WRN: variants seen among roughly 807,000 people sequenced by gnomAD.
WRN encodes bifunctional 3'-5' exonuclease/ATP-dependent helicase WRN.
Under a neutral mutation model 180.7 loss-of-function variants are expected in WRN, and 149 were observed. The observed-to-expected ratio is 0.82, with a 90% CI of 0.72 to 0.94. WRN has a LOEUF of 0.94. Among genes scored for constraint, WRN ranks in the 40% least tolerant of loss-of-function variants. WRN has a pLI of 0.00. For missense variants in WRN, 1,661 were observed against 1,700.1 expected (o/e 0.98, Z 0.40); for synonymous variants, 548 against 568.9 (o/e 0.96, Z 0.52).
intron 14 of WRN, 57 bp downstream of exon 14, chr8:31,090,589 G>T: frequency 6.6e-7 from 1 of 1,511,976 alleles, no homozygotes; most frequent in South Asian, 1.1e-5. Flanking sequence ...TAAAGAGTTT[G>T]AAATGCTTAA....
At chr8:31,056,698 A>C (rs988634361) in intron 1 of WRN, among the ~76,000 whole-genome samples, 1 of 152,226 alleles carries the variant, frequency 6.6e-6, no homozygotes, top group Non-Finnish European at 1.5e-5. Flanking sequence ...AAAACATTGC[A>C]CAAAGGATTT....
chr8:31,166,140 C>G (rs1358250736), intron 33 of WRN, among the ~76,000 whole-genome samples: 1 of 152,018 alleles, frequency 6.6e-6, no homozygotes, highest in African/African-American at 2.4e-5. Flanking sequence ...AACCTGAAAA[C>G]TAACAATTTA....
Position 31,141,433 on chromosome 8 carries a change from T to C in WRN, c.2971T>C (p.Ser991Pro), listed in dbSNP as rs1256461901. 1 of 1,614,028 alleles carries C rather than the reference T, an allele frequency of 6.2e-7. No homozygotes were observed. The highest frequency in any genetic ancestry group is 8.5e-7 in the Non-Finnish European group (1 of 1,180,038). ...LPILFLRGSN[S>P]QRLADQYRRH... ...CTGATTTTATTCCTAATTTCAGAATTCTCAGCGTCTTGCCGATCAATATCG... is the reference window on the plus strand; with the variant it reads ...CTGATTTTATTCCTAATTTCAGAATCCTCAGCGTCTTGCCGATCAATATCG... Residue 991 changes from serine (S) to proline (P), a missense_variant, in exon 25 of 35, where the codon TCT (serine) becomes CCT (proline). Ser to Pro is a moderately conservative substitution (Grantham distance 74). This residue lies in a region of WRN where 1,141 missense variants were observed against 1,149.4 expected (regional missense o/e 0.99). Transcript: ENST00000298139.
intron 17 of WRN, among the ~76,000 whole-genome samples, chr8:31,098,493 T>G (rs1814082858): frequency 6.6e-6 from 1 of 152,236 alleles, no homozygotes; most frequent in Non-Finnish European, 1.5e-5. Context: ...CAGCGTACTT[T>G]GCTTATGATG....
At chr8:31,048,558 A>T (rs1811959191) in intron 1 of WRN, among the ~76,000 whole-genome samples, 1 of 152,214 alleles carries the variant, frequency 6.6e-6, no homozygotes, top group Non-Finnish European at 1.5e-5. Flanking sequence ...TGTATAAATT[A>T]GTTACTAGTA....
chr8:31,101,525 G>A (rs773777840), intron 18 of WRN, among the ~76,000 whole-genome samples: 3 of 151,986 alleles, frequency 2.0e-5, no homozygotes, highest in Non-Finnish European at 2.9e-5. Context: ...GGTGGCTCAC[G>A]CCTGTAGTCC....
At chr8:31,104,014 G>C (rs1207303130) in intron 18 of WRN, among the ~76,000 whole-genome samples, 1 of 152,224 alleles carries the variant, frequency 6.6e-6, no homozygotes, top group Admixed American at 6.5e-5. Flanking sequence ...GATTACAGGC[G>C]TGAGCCACTG....
Position 31,067,049 on chromosome 8 carries a change from C to G in WRN, c.521C>G (p.Thr174Ser), listed in dbSNP as rs1318427246. ...VANKKLKCTE[T>S]WSLNSLVKHL... ...CATTTCTAGCTGAAATGCACAGAGACCTGGAGCCTTAACAGTCTGGTTAAA... is the reference window on the plus strand; with the variant it reads ...CATTTCTAGCTGAAATGCACAGAGAGCTGGAGCCTTAACAGTCTGGTTAAA... The change falls in exon 6 of 35, where the codon ACC becomes AGC. Residue 174 changes from threonine to serine, a missense_variant. Transcript: ENST00000298139. 5 of 1,613,686 alleles carry G rather than the reference C, an allele frequency of 3.1e-6. No homozygotes were observed. Among genetic ancestry groups the G allele is most frequent in the Non-Finnish European group, 4.2e-6 (5 of 1,179,916 alleles).
chr8:31,040,271 A>T (rs1213788169), intron 1 of WRN, among the ~76,000 whole-genome samples: 1 of 152,244 alleles, frequency 6.6e-6, no homozygotes, highest in African/African-American at 2.4e-5. Context: ...AATATCCAGT[A>T]AATAATTGGC....
chr8:31,100,713 A>G, intron 17 of WRN, 136 bp from the exon 18 acceptor site: 1 of 701,742 alleles, frequency 1.4e-6, no homozygotes, highest in Non-Finnish European at 2.4e-6. Flanking sequence ...TGTTAATATG[A>G]TGATATTTAT....
At chr8:31,062,141 G>A (rs1488748517) in intron 3 of WRN, among the ~76,000 whole-genome samples, 5 of 152,122 alleles carry the variant, frequency 3.3e-5, no homozygotes, top group African/African-American at 4.8e-5. Context: ...TTCCCTTAGA[G>A]ATCATAGTCC....
intron 1 of WRN, among the ~76,000 whole-genome samples, chr8:31,057,630 T>C (rs1283121092): frequency 6.6e-6 from 1 of 152,058 alleles, no homozygotes; most frequent in East Asian, 1.9e-4. Flanking sequence ...GGAACTAAAG[T>C]TGAAGTTTGA....
intron 8 of WRN, among the ~76,000 whole-genome samples, chr8:31,078,504 A>G (rs530030877): frequency 1.3e-5 from 2 of 152,346 alleles, no homozygotes; most frequent in African/African-American, 4.8e-5. Flanking sequence ...TAAATAAGTA[A>G]TCATATTCAC....
chr8:31,106,803 A>G (rs1049480322), intron 18 of WRN, among the ~76,000 whole-genome samples: 2 of 152,170 alleles, frequency 1.3e-5, no homozygotes, highest in Non-Finnish European at 2.9e-5. Flanking sequence ...TCACTAGAAT[A>G]TTCTTTGTAG....
intron 18 of WRN, among the ~76,000 whole-genome samples, chr8:31,109,130 G>A (rs1318385670): frequency 2.0e-5 from 3 of 152,186 alleles, no homozygotes; most frequent in Non-Finnish European, 2.9e-5. Flanking sequence ...ACTACCAGCT[G>A]TAGTGTGGTC....
rs938648168 is a variant in WRN at position 31,067,160 on chromosome 8, T to C, written c.632T>C (p.Leu211Pro). The C allele has an allele frequency of 4.3e-6, 7 of 1,613,732 alleles. No individual in the cohort carries two copies. In the African/African-American group the frequency reaches 8.0e-5, roughly 18 times the overall value. The change falls in exon 6 of 35, where the codon CTG becomes CCG. Residue 211 changes from leucine (L) to proline (P), a missense_variant. Physicochemically the swap from Leu to Pro is moderately conservative, Grantham distance 98 (BLOSUM62 -3). This residue lies in a region of WRN where 500 missense variants were observed against 504.1 expected (regional missense o/e 0.99). Coordinates refer to ENST00000298139, the MANE Select transcript of WRN (RefSeq NM_000553.6). ...SKFPLTEDQK[L>P]YAATDAYAGF... ...TTTCCTCTCACTGAGGACCAGAAAC[T>C]GTATGCAGCCACTGATGCTTATGTA...
chr8:31,105,957 A>G (rs1036675771), intron 18 of WRN, among the ~76,000 whole-genome samples: 3 of 152,192 alleles, frequency 2.0e-5, no homozygotes, highest in Admixed American at 2.0e-4. Flanking sequence ...ACACATCTAT[A>G]TAACTACTCA....
intron 3 of WRN, 63 bp downstream of exon 3, chr8:31,059,328 A>G (rs1485302013): frequency 8.3e-6 from 11 of 1,323,124 alleles, no homozygotes; most frequent in African/African-American, 1.4e-5. Flanking sequence ...CTATTATGGT[A>G]ATGTTTGTGA....
chr8:31,168,818 A>G (rs1803997183), intron 34 of WRN, among the ~76,000 whole-genome samples: 1 of 152,222 alleles, frequency 6.6e-6, no homozygotes, highest in Non-Finnish European at 1.5e-5. Context: ...GGATAAAGTC[A>G]TTAGAACAAA....
Sources: gnomAD v4.1 joint callset for allele counts (sites outside exome capture counted in the v4.1 genomes callset) on GRCh38, gnomAD v4.1.1 for gene constraint, gnomAD v4.1.1 regional missense constraint, MANE v1.5 for transcripts, NCBI Gene and HGNC (gene_info 2026-07-23, HGNC 2026-07-21) for gene names.